The following FA2H variants were observed in gnomAD, a reference collection of about 807,000 sequenced individuals.
FA2H encodes the protein fatty acid 2-hydroxylase.
FA2H carries 22 observed loss-of-function variants against 44.9 expected under a neutral mutation model. The ratio of observed to expected loss-of-function variants is 0.49; its 90% CI spans 0.35 to 0.70. FA2H has a LOEUF of 0.70. Among genes scored for constraint, FA2H ranks in the 30% least tolerant of loss-of-function variants. The probability of loss-of-function intolerance (pLI) is 0.01; values close to 1 mark genes in which losing one functional copy is unlikely to be tolerated. For synonymous variants in FA2H, 243 were observed against 213.2 expected, an observed-to-expected ratio of 1.14 and a Z score of -1.22; for missense variants, 501 against 504.9, an observed-to-expected ratio of 0.99 and a Z score of 0.07.
At chr16:74,755,751 A>T (rs566972447) in intron 1 of FA2H, among the ~76,000 whole-genome samples, 4 of 152,196 alleles carry the variant, frequency 2.6e-5, no homozygotes, top group Non-Finnish European at 5.9e-5. Flanking sequence ...AGCAGTCTTT[A>T]TAAGGCTTGT....
intron 1 of FA2H, among the ~76,000 whole-genome samples, chr16:74,769,864 A>T (rs1428420923): frequency 6.6e-6 from 1 of 152,224 alleles, no homozygotes; most frequent in African/African-American, 2.4e-5. Context: ...TCACTCGCTC[A>T]AGGTGGGCAG....
At chr16:74,772,465 G>A (rs1027849849) in intron 1 of FA2H, among the ~76,000 whole-genome samples, 20 of 152,296 alleles carry the variant, frequency 1.3e-4, no homozygotes, top group African/African-American at 4.1e-4. Flanking sequence ...GACAGGAACC[G>A]AATTCGTTTT....
chr16:74,749,428 G>C (rs772489301), intron 1 of FA2H, among the ~76,000 whole-genome samples: 13 of 144,918 alleles, frequency 9.0e-5, no homozygotes, highest in Non-Finnish European at 1.4e-4. Flanking sequence ...TGGTATTCAC[G>C]GGAGCAAGAG....
intron 1 of FA2H, among the ~76,000 whole-genome samples, chr16:74,767,774 G>A (rs1036209717): frequency 6.6e-6 from 1 of 152,216 alleles, no homozygotes; most frequent in East Asian, 1.9e-4. Context: ...GTAAATGTGT[G>A]TTGCTTTAAG....
chr16:74,771,202 A>G (rs1962899484), intron 1 of FA2H, among the ~76,000 whole-genome samples: 1 of 151,352 alleles, frequency 6.6e-6, no homozygotes, highest in South Asian at 2.1e-4. Flanking sequence ...TTCCTTTTCT[A>G]TTTTTTTGTG....
intron 5 of FA2H, among the ~76,000 whole-genome samples, chr16:74,718,047 A>G (rs1280536594): frequency 6.6e-6 from 1 of 152,080 alleles, no homozygotes; most frequent in Non-Finnish European, 1.5e-5. Flanking sequence ...ACTGGCCCCT[A>G]GGAAAGCCCC....
chr16:74,765,867 T>A (rs890305455), intron 1 of FA2H, among the ~76,000 whole-genome samples: 1 of 152,186 alleles, frequency 6.6e-6, no homozygotes, highest in African/African-American at 2.4e-5. Context: ...AAATATTTAT[T>A]AGTACCTATT....
chr16:74,745,862 G>A (rs1282554103), intron 1 of FA2H, among the ~76,000 whole-genome samples: 1 of 139,030 alleles, frequency 7.2e-6, no homozygotes, highest in Non-Finnish European at 1.5e-5. Flanking sequence ...CTAGAATGCA[G>A]TGGCACCATC....
chr16:74,769,744 A>G (rs543332216), intron 1 of FA2H, among the ~76,000 whole-genome samples: 1 of 152,258 alleles, frequency 6.6e-6, no homozygotes, highest in African/African-American at 2.4e-5. Context: ...TGGACTTCAT[A>G]CTCTGCTAAC....
At chr16:74,762,598 T>G (rs1801939555) in intron 1 of FA2H, among the ~76,000 whole-genome samples, 1 of 152,210 alleles carries the variant, frequency 6.6e-6, no homozygotes, top group African/African-American at 2.4e-5. Context: ...TGGCACGATC[T>G]TGGCTCACTG....
intron 2 of FA2H, among the ~76,000 whole-genome samples, chr16:74,737,347 T>C (rs1303804600): frequency 6.6e-6 from 1 of 152,160 alleles, no homozygotes; most frequent in Non-Finnish European, 1.5e-5. Flanking sequence ...CCTGGCTTCT[T>C]GTCCCATAAG....
intron 1 of FA2H, among the ~76,000 whole-genome samples, chr16:74,759,316 T>C (rs2144656608): frequency 6.6e-6 from 1 of 152,294 alleles, no homozygotes; most frequent in Admixed American, 6.5e-5. Flanking sequence ...GAAGGTCTGA[T>C]GTGGAAGGCC....
intron 1 of FA2H, among the ~76,000 whole-genome samples, chr16:74,746,000 T>G (rs1306457139): frequency 6.6e-6 from 1 of 151,618 alleles, no homozygotes; most frequent in Admixed American, 6.6e-5. Flanking sequence ...AGAGACGGGG[T>G]TTCACCGTGT....
At chr16:74,744,342 A>G (rs1962373503) in intron 1 of FA2H, among the ~76,000 whole-genome samples, 1 of 152,190 alleles carries the variant, frequency 6.6e-6, no homozygotes, top group Non-Finnish European at 1.5e-5. Context: ...TGGTCCTGGA[A>G]GCAAGCCAAA....
intron 1 of FA2H, among the ~76,000 whole-genome samples, chr16:74,753,157 G>A (rs985133697): frequency 3.9e-5 from 6 of 152,148 alleles, no homozygotes; most frequent in African/African-American, 1.4e-4. Flanking sequence ...ATCCTGCAGG[G>A]GAGGCAGGGC....
chr16:74,721,237 G>A (rs940567170), intron 4 of FA2H, among the ~76,000 whole-genome samples: 2 of 151,876 alleles, frequency 1.3e-5, no homozygotes, highest in African/African-American at 2.4e-5. Context: ...GGACGATCTC[G>A]GCTCACTGCA....
intron 1 of FA2H, among the ~76,000 whole-genome samples, chr16:74,760,724 A>T (rs1962692776): frequency 1.3e-5 from 2 of 152,172 alleles, no homozygotes; most frequent in Admixed American, 6.5e-5. Context: ...CAGAGGCCTG[A>T]CTTCAGCCCA....
chr16:74,726,914 C>G (rs920502164), intron 3 of FA2H, among the ~76,000 whole-genome samples: 1 of 152,186 alleles, frequency 6.6e-6, no homozygotes, highest in African/African-American at 2.4e-5. Context: ...TGCAACTGGT[C>G]AGATGCTGAC....
intron 1 of FA2H, among the ~76,000 whole-genome samples, chr16:74,768,114 A>T (rs1962841812): frequency 2.0e-5 from 3 of 152,228 alleles, no homozygotes; most frequent in Admixed American, 2.0e-4. Context: ...AAAAAAAATA[A>T]GCGAAGATGA....
Sources: allele counts gnomAD v4.1 joint callset (sites outside exome capture counted in the v4.1 genomes callset), GRCh38; gene constraint gnomAD v4.1.1; transcripts MANE v1.5; gene names NCBI Gene and HGNC (gene_info 2026-07-23, HGNC 2026-07-21).